The following MAGI2 variants were observed in gnomAD, a reference collection of about 807,000 sequenced individuals.
MAGI2 encodes membrane-associated guanylate kinase, WW and PDZ domain-containing protein 2.
In MAGI2, 35 loss-of-function variants were observed where a neutral mutation model predicts 133.3. The observed-to-expected ratio is 0.26, with a 90% CI of 0.20 to 0.35. MAGI2 has a LOEUF of 0.35. MAGI2 is among the 10% of genes least tolerant of loss of function. The pLI is 1.00. For missense variants in MAGI2, 1,636 were observed against 1,863.4 expected (o/e 0.88, Z 2.25); for synonymous variants, 729 against 710.6 (o/e 1.03, Z -0.41).
intron 21 of MAGI2, among the ~76,000 whole-genome samples, chr7:78,066,555 G>A (rs1813849392): frequency 6.6e-6 from 1 of 152,004 alleles, no homozygotes; most frequent in African/African-American, 2.4e-5. Context: ...TGTCTTGCCT[G>A]TTCTGTTCCA....
At chr7:78,704,979 A>G (rs2151160553) in intron 2 of MAGI2, among the ~76,000 whole-genome samples, 1 of 152,096 alleles carries the variant, frequency 6.6e-6, no homozygotes, top group South Asian at 2.1e-4. Flanking sequence ...AAAGAAGGGA[A>G]CAACAGACAC....
At chr7:78,770,053 A>G (rs950552170) in intron 2 of MAGI2, among the ~76,000 whole-genome samples, 1 of 152,362 alleles carries the variant, frequency 6.6e-6, no homozygotes, top group East Asian at 1.9e-4. Context: ...ACCAGGGCAC[A>G]ATGGCAAATT....
At chr7:78,497,849 T>C (rs766364310) in intron 5 of MAGI2, among the ~76,000 whole-genome samples, 14 of 152,130 alleles carry the variant, frequency 9.2e-5, no homozygotes, top group Non-Finnish European at 1.5e-4. Context: ...TTTCAAAGGA[T>C]ACAGACTTCA....
At chr7:78,575,803 G>T (rs1802208718) in intron 3 of MAGI2, among the ~76,000 whole-genome samples, 1 of 152,070 alleles carries the variant, frequency 6.6e-6, no homozygotes, top group African/African-American at 2.4e-5. Flanking sequence ...AGGAAAATCT[G>T]AGAAATTGTC....
chr7:78,910,203 C>T (rs1008333383), intron 2 of MAGI2, among the ~76,000 whole-genome samples: 1 of 149,966 alleles, frequency 6.7e-6, no homozygotes, highest in African/African-American at 2.5e-5. Flanking sequence ...CCATGGCACA[C>T]GTAGACCTAT....
At chr7:78,566,721 T>TA (rs1800982366) in intron 3 of MAGI2, among the ~76,000 whole-genome samples, 1 of 152,194 alleles carries the variant, frequency 6.6e-6, no homozygotes, top group Admixed American at 6.5e-5. Context: ...TCAGATAACT[T>TA]ACTCTTTTCA....
intron 1 of MAGI2, among the ~76,000 whole-genome samples, chr7:79,099,592 A>G (rs535161937): frequency 6.6e-6 from 1 of 152,238 alleles, no homozygotes; most frequent in African/African-American, 2.4e-5. Context: ...TAAACATAGT[A>G]CCCAATGGGT....
At chr7:78,527,087 G>A (rs545278991) in intron 3 of MAGI2, among the ~76,000 whole-genome samples, 3 of 142,478 alleles carry the variant, frequency 2.1e-5, no homozygotes, top group African/African-American at 7.8e-5. Flanking sequence ...AAAAAGAATA[G>A]CCCATTGTCA....
chr7:78,274,875 C>A (rs1267711809), intron 9 of MAGI2, among the ~76,000 whole-genome samples: 2 of 152,180 alleles, frequency 1.3e-5, no homozygotes, highest in African/African-American at 4.8e-5. Context: ...GCTTGCTGGG[C>A]TCTGTGGGGG....
intron 1 of MAGI2, among the ~76,000 whole-genome samples, chr7:79,220,225 A>C (rs1266572742): frequency 6.6e-6 from 1 of 151,946 alleles, no homozygotes; most frequent in African/African-American, 2.4e-5. Context: ...CAGGGGAAGC[A>C]GGGAGGTGGG....
chr7:78,626,653 G>C (rs955427967), intron 3 of MAGI2, among the ~76,000 whole-genome samples: 1 of 151,974 alleles, frequency 6.6e-6, no homozygotes, highest in African/African-American at 2.4e-5. Flanking sequence ...CCATAATTTC[G>C]TGTAGGAGGA....
chr7:78,048,404 A>G (rs892358950), intron 21 of MAGI2, among the ~76,000 whole-genome samples: 25 of 152,144 alleles, frequency 1.6e-4, no homozygotes, highest in African/African-American at 6.0e-4. Flanking sequence ...GTCACAATGG[A>G]TGTGTCAGTT....
chr7:78,376,559 T>C (rs1324385364), intron 6 of MAGI2, among the ~76,000 whole-genome samples: 4 of 152,250 alleles, frequency 2.6e-5, no homozygotes, highest in African/African-American at 9.6e-5. Context: ...TGGTTGTTGA[T>C]GAAAGATGTG....
chr7:79,127,299 T>G (rs1035280249), intron 1 of MAGI2, among the ~76,000 whole-genome samples: 3 of 152,130 alleles, frequency 2.0e-5, no homozygotes, highest in Non-Finnish European at 4.4e-5. Context: ...ATTTATAATC[T>G]TTTGGATATA....
intron 3 of MAGI2, among the ~76,000 whole-genome samples, chr7:78,543,917 A>C (rs762078539): frequency 2.0e-5 from 3 of 152,244 alleles, no homozygotes; most frequent in Non-Finnish European, 4.4e-5. Context: ...TTTTATGCTA[A>C]TCATTCTAAT....
intron 10 of MAGI2, among the ~76,000 whole-genome samples, chr7:78,203,223 T>C (rs1829433554): frequency 6.6e-6 from 1 of 152,232 alleles, no homozygotes; most frequent in Non-Finnish European, 1.5e-5. Flanking sequence ...ACTTTGAGTA[T>C]TTGCTATTTC....
intron 6 of MAGI2, among the ~76,000 whole-genome samples, chr7:78,371,193 C>A (rs1168638216): frequency 6.6e-6 from 1 of 151,836 alleles, no homozygotes; most frequent in Non-Finnish European, 1.5e-5. Flanking sequence ...TTGGCAAATT[C>A]ATCTAGTAAA....
intron 10 of MAGI2, among the ~76,000 whole-genome samples, chr7:78,243,076 T>C (rs902191817): frequency 4.6e-5 from 7 of 151,932 alleles, no homozygotes; most frequent in African/African-American, 1.5e-4. Context: ...TGTCTCAAAA[T>C]AAATAAATAA....
At chr7:78,217,707 A>G (rs1788409479) in intron 10 of MAGI2, among the ~76,000 whole-genome samples, 1 of 152,210 alleles carries the variant, frequency 6.6e-6, no homozygotes, top group Non-Finnish European at 1.5e-5. Flanking sequence ...CCAATTTGCC[A>G]TAGCAAGATG....
Sources: gnomAD v4.1 joint callset for allele counts (sites outside exome capture counted in the v4.1 genomes callset) on GRCh38, gnomAD v4.1.1 for gene constraint, MANE v1.5 for transcripts, NCBI Gene and HGNC (gene_info 2026-07-23, HGNC 2026-07-21) for gene names.